The following RNF220 variants were observed in gnomAD, a reference collection of about 807,000 sequenced individuals.
The protein encoded by RNF220 is ring finger protein 220, also known as E3 ubiquitin-protein ligase RNF220.
A neutral mutation model predicts 67.1 loss-of-function variants in RNF220; 7 were observed. The observed-to-expected ratio is 0.10, with a 90% CI of 0.06 to 0.20. The LOEUF is 0.20. Ranked by LOEUF, RNF220 falls within the 10% of genes least tolerant of loss-of-function variation. RNF220 has a pLI of 1.00. For synonymous variants in RNF220, 270 were observed against 283.2 expected (o/e 0.95, Z 0.47); for missense variants, 565 against 740.3 (o/e 0.76, Z 2.75).
intron 2 of RNF220, among the ~76,000 whole-genome samples, chr1:44,501,317 T>C (rs1657852553): frequency 6.6e-6 from 1 of 151,268 alleles, no homozygotes; most frequent in Admixed American, 6.6e-5. Flanking sequence ...TCAATCAGGT[T>C]GGCTTTGAAA....
At chr1:44,555,066 A>G (rs1662958476) in intron 2 of RNF220, among the ~76,000 whole-genome samples, 2 of 152,198 alleles carry the variant, frequency 1.3e-5, no homozygotes, top group South Asian at 4.2e-4. Context: ...TCTCCTTAGC[A>G]TAGCACTCAA....
intron 2 of RNF220, among the ~76,000 whole-genome samples, chr1:44,495,417 A>G (rs971571446): frequency 6.6e-6 from 1 of 152,232 alleles, no homozygotes; most frequent in Admixed American, 6.5e-5. Flanking sequence ...CAAAGAATAG[A>G]TAGTGTAATG....
chr1:44,568,669 C>T (rs1032952912), intron 2 of RNF220, among the ~76,000 whole-genome samples: 23 of 152,302 alleles, frequency 1.5e-4, no homozygotes, highest in African/African-American at 5.1e-4. Flanking sequence ...CAGGAATCAG[C>T]GGGGATGGAG....
intron 2 of RNF220, among the ~76,000 whole-genome samples, chr1:44,428,211 G>A (rs1459870644): frequency 6.6e-6 from 1 of 152,196 alleles, no homozygotes; most frequent in African/African-American, 2.4e-5. Flanking sequence ...CAGTAAGCCA[G>A]AAGGAATTTT....
chr1:44,474,262 C>T (rs1358494506), intron 2 of RNF220, among the ~76,000 whole-genome samples: 1 of 151,802 alleles, frequency 6.6e-6, no homozygotes, highest in Non-Finnish European at 1.5e-5. Context: ...GTAATCCCAG[C>T]TACTTGGGAG....
rs182675960 is a variant in RNF220, at chr1:44,569,936, G to C, written c.626-44229G>C. 7.2e-4 allele frequency among the ~76,000 whole-genome samples: 109 copies of C among 152,238 alleles called. 1 individual carries two copies. In the Middle Eastern group the frequency reaches 0.014, roughly 19 times the overall value. Reference sequence around the variant, plus strand: ...ATGATGGTGTTTGGTATTACACTTGGCAGTGGTTCTAGGTGCTGTGAGCTC... The same window carrying C: ...ATGATGGTGTTTGGTATTACACTTGCCAGTGGTTCTAGGTGCTGTGAGCTC... On this transcript the variant is annotated intron_variant, in intron 2 of 14. Transcript: ENST00000361799.
intron 2 of RNF220, among the ~76,000 whole-genome samples, chr1:44,609,482 G>A (rs1193087360): frequency 4.6e-5 from 7 of 152,206 alleles, no homozygotes; most frequent in Non-Finnish European, 8.8e-5. Flanking sequence ...TGGTCAAGGA[G>A]GGGAGGGCTT....
chr1:44,651,264 G>A lies in RNF220; in HGVS notation c.*489G>A, dbSNP rs535132046. 2.5e-4 allele frequency: 44 copies of A among 177,646 alleles called. No homozygotes were observed. The highest frequency in any genetic ancestry group is 4.3e-4 in the Non-Finnish European group (35 of 81,126). The allele number at this position is 177,646 out of a possible 1,614,324, so 11.0% of individuals were successfully genotyped here. ...TTTTTTAAGAACCCCTGGAAGCAGCGCCTCCTTCAGGGTTGGCTGGGAGCT... is the reference window on the plus strand; with the variant it reads ...TTTTTTAAGAACCCCTGGAAGCAGCACCTCCTTCAGGGTTGGCTGGGAGCT... On this transcript the variant is annotated 3_prime_UTR_variant, in exon 15 of 15. Coordinates refer to ENST00000361799, the MANE Select transcript of RNF220 (RefSeq NM_018150.4).
At chr1:44,469,032 A>G (rs1270853868) in intron 2 of RNF220, among the ~76,000 whole-genome samples, 1 of 152,238 alleles carries the variant, frequency 6.6e-6, no homozygotes, top group Non-Finnish European at 1.5e-5. Context: ...TAATCTACAG[A>G]GAGTTTATAA....
At chr1:44,411,542 A>G (rs576487956) in intron 1 of RNF220, among the ~76,000 whole-genome samples, 3 of 152,278 alleles carry the variant, frequency 2.0e-5, no homozygotes, top group South Asian at 4.1e-4. Context: ...GAGAGGATGC[A>G]TATGTGGGGA....
chr1:44,583,806 T>C (rs1385134168), intron 2 of RNF220, among the ~76,000 whole-genome samples: 1 of 152,250 alleles, frequency 6.6e-6, no homozygotes, highest in Non-Finnish European at 1.5e-5. Context: ...TTCCAAATTG[T>C]ATCTGACACA....
Position 44,649,347 on chromosome 1 carries a change from G to A in RNF220, c.1446-314G>A. On this transcript the variant is annotated intron_variant, in intron 12 of 14. Transcript: ENST00000361799. This position sits in a 1 kb window ranked among gnomAD's most constrained non-coding sequence, Gnocchi z 5.9. ...CATCTGAGAGCCTGGACTCATGGTG[G>A]TGAGGAGAGATGCCGGAGATACTAG... The A allele has an allele frequency of 2.4e-6, 1 of 415,936 alleles. No individual in the cohort carries two copies. The highest frequency in any genetic ancestry group is 4.4e-6 in the Non-Finnish European group (1 of 225,464). The allele number at this position is 415,936 out of a possible 1,614,324, so 25.8% of individuals were successfully genotyped here. A position where few individuals can be genotyped will look rare whatever the true frequency, so the allele number is the denominator to read the frequency against.
intron 2 of RNF220, among the ~76,000 whole-genome samples, chr1:44,500,272 A>G (rs1025085694): frequency 2.6e-5 from 4 of 152,118 alleles, no homozygotes; most frequent in African/African-American, 9.7e-5. Context: ...TTAGTTCCTT[A>G]ATTAACAGCT....
chr1:44,432,088 A>G (rs904858464), intron 2 of RNF220, among the ~76,000 whole-genome samples: 2 of 151,800 alleles, frequency 1.3e-5, no homozygotes, highest in African/African-American at 4.8e-5. Context: ...TTATACTCCT[A>G]TTGTTCTTCC....
chr1:44,493,733 G>A (rs911158038), intron 2 of RNF220, among the ~76,000 whole-genome samples: 2 of 151,900 alleles, frequency 1.3e-5, no homozygotes, highest in East Asian at 1.9e-4. Flanking sequence ...CCAGCTACTC[G>A]GGAAGCTAAG....
intron 12 of RNF220, among the ~76,000 whole-genome samples, chr1:44,646,457 C>G (rs551710394): frequency 2.6e-5 from 4 of 152,380 alleles, no homozygotes; most frequent in Admixed American, 2.6e-4. Context: ...TGCTCCGTGT[C>G]AGCGCCGGAG....
In RNF220 at chr1:44,650,245, CAGG is replaced by C. The variant is rs1036138769; in HGVS notation, c.1629+295_1629+297del. 1.7e-4 allele frequency: 92 copies of C among 535,020 alleles called. No homozygotes were observed. The highest frequency in any genetic ancestry group is 1.2e-3 in the South Asian group (51 of 42,784). 33.1% of individuals were successfully genotyped at this position (535,020 alleles called of 1,614,324 possible). The stretch of plus-strand genomic sequence containing the variant: ...CACACAGACTGGTGAGGCCTGGGGT[CAGG>C]AGGAGGCTGGCTGTAGGTAAACAGG... On this transcript the variant is annotated intron_variant, in intron 14 of 14. Transcript: ENST00000361799. This position sits in a 1 kb window ranked among gnomAD's most constrained non-coding sequence, Gnocchi z 4.3.
chr1:44,538,069 T>C (rs553033170), intron 2 of RNF220, among the ~76,000 whole-genome samples: 1 of 152,378 alleles, frequency 6.6e-6, no homozygotes, highest in African/African-American at 2.4e-5. Context: ...ATCCTGTACT[T>C]CATCTTGTTG....
intron 2 of RNF220, among the ~76,000 whole-genome samples, chr1:44,465,301 C>A (rs1654172734): frequency 6.6e-6 from 1 of 151,962 alleles, no homozygotes; most frequent in South Asian, 2.1e-4. Context: ...TCACAATAAT[C>A]CTTCCCAATC....
Sources: gnomAD v4.1 joint callset for allele counts (sites outside exome capture counted in the v4.1 genomes callset) on GRCh38, gnomAD v4.1.1 for gene constraint, Gnocchi (gnomAD v3.1) non-coding constraint, MANE v1.5 for transcripts, NCBI Gene and HGNC (gene_info 2026-07-23, HGNC 2026-07-21) for gene names.